Variants in DOCK1 observed in about 807,000 individuals in gnomAD.
DOCK1 encodes the protein dedicator of cytokinesis 1, also known as dedicator of cytokinesis protein 1.
DOCK1 carries 138 observed loss-of-function variants against 262.7 expected under a neutral mutation model. The observed-to-expected ratio is 0.53, with a 90% CI of 0.46 to 0.61. The LOEUF is 0.61. Ranked by LOEUF, DOCK1 falls within the 20% of genes least tolerant of loss-of-function variation. The pLI, the probability that DOCK1 is intolerant of heterozygous loss-of-function variation, is 0.00. For synonymous variants in DOCK1, 866 were observed against 867.4 expected (o/e 1.00, Z 0.03); for missense variants, 1,908 against 2,370.7 (o/e 0.80, Z 4.05).
intron 29 of DOCK1, among the ~76,000 whole-genome samples, chr10:127,263,687 C>T (rs998146127): frequency 2.0e-5 from 3 of 151,860 alleles, no homozygotes; most frequent in African/African-American, 7.3e-5. Flanking sequence ...CACCTACATG[C>T]TGGTATCCAT....
intron 27 of DOCK1, among the ~76,000 whole-genome samples, chr10:127,163,799 C>CTT (rs531750560): frequency 9.0e-4 from 116 of 129,194 alleles, no homozygotes; most frequent in African/African-American, 2.4e-3. Flanking sequence ...TAAAGCCTTC[C>CTT]TTTTTTTTTT....
At position 127,248,035 on chromosome 10, in the gene DOCK1, A is replaced by G. The variant is rs552636749; in HGVS notation, c.2875A>G (p.Ile959Val). The change falls in exon 28 of 52, where the codon ATT (isoleucine) becomes GTT (valine). Residue 959 changes from isoleucine to valine, a missense_variant. By Grantham distance (29) the Ile-to-Val change is conservative. Coordinates refer to ENST00000623213, the MANE Select transcript of DOCK1 (RefSeq NM_001290223.2). Reference protein sequence around the residue: ...IGNFVACMTAILRQMEDYHYA... With the variant: ...IGNFVACMTAVLRQMEDYHYA... ...AAACTTCGTGGCTTGCATGACAGCT[A>G]TTTTACGACAAATGGAAGATTACCA... The G allele has an allele frequency of 2.5e-6, 4 of 1,613,958 alleles. No individual in the cohort carries two copies. The highest frequency in any genetic ancestry group is 1.7e-5 in the Admixed American group (1 of 60,014).
At chr10:126,988,628 T>C (rs1202988149) in intron 5 of DOCK1, among the ~76,000 whole-genome samples, 2 of 152,232 alleles carry the variant, frequency 1.3e-5, no homozygotes. Flanking sequence ...GAGTTGATGC[T>C]CATAGTCAGT....
intron 37 of DOCK1, among the ~76,000 whole-genome samples, chr10:127,383,812 C>T (rs547064508): frequency 6.6e-6 from 1 of 152,352 alleles, no homozygotes; most frequent in African/African-American, 2.4e-5. Flanking sequence ...CCATGCTCAC[C>T]GTGTCCTCCC....
At chr10:127,026,651 C>G (rs11018199) in intron 16 of DOCK1, 175 of 559,128 alleles carry the variant, frequency 3.1e-4, no homozygotes, top group Non-Finnish European at 5.0e-4. Context: ...GTTGCTGGTC[C>G]CCTTCTTTCT....
In DOCK1 at chr10:126,980,528, A is replaced by ACT. The variant is rs1169486130; in HGVS notation, c.172-1385_172-1384dup. ...AGCCTTGTTTGTTGCTCAGCCTCTG[A>ACT]CTCTCTGCCTGACGCCTTCCCTCTC... On this transcript the variant is annotated intron_variant, in intron 3 of 51. Transcript: ENST00000623213. Among the ~76,000 whole-genome samples, 4 of 151,262 alleles carry ACT rather than the reference A, an allele frequency of 2.6e-5. No homozygotes were observed. In the South Asian group the frequency reaches 8.4e-4, roughly 32 times the overall value.
At chr10:127,234,385 A>G (rs1463518042) in intron 27 of DOCK1, among the ~76,000 whole-genome samples, 1 of 152,180 alleles carries the variant, frequency 6.6e-6, no homozygotes, top group Non-Finnish European at 1.5e-5. Context: ...ATATACAAAT[A>G]AAAATACACA....
intron 22 of DOCK1, among the ~76,000 whole-genome samples, chr10:127,054,109 C>T (rs930983791): frequency 7.2e-5 from 11 of 152,194 alleles, no homozygotes; most frequent in Non-Finnish European, 1.3e-4. Flanking sequence ...CAGTGCCTTC[C>T]CGTTTCCTCC....
intron 1 of DOCK1, among the ~76,000 whole-genome samples, chr10:126,927,889 G>C (rs1280903607): frequency 4.6e-5 from 7 of 152,136 alleles, no homozygotes; most frequent in African/African-American, 1.4e-4. Flanking sequence ...GGAAGGACTT[G>C]GGGCCAGGCA....
Position 127,170,025 on chromosome 10 carries a change from C to T in DOCK1, c.2847+42261C>T, listed in dbSNP as rs1018986279. On this transcript the variant is annotated intron_variant, in intron 27 of 51. Coordinates refer to ENST00000623213, the MANE Select transcript of DOCK1 (RefSeq NM_001290223.2). ...GCTTCTTTTTTTACCACTGTGTGCC[C>T]GAGACTTGGGAGAGCTGGCCTCACA... Among the ~76,000 whole-genome samples, 7 of 151,878 alleles carry T rather than the reference C, an allele frequency of 4.6e-5. No individual in the cohort carries two copies. In the East Asian group the frequency reaches 5.8e-4, roughly 13 times the overall value.
chr10:127,030,760 C>T (rs1489764621), intron 16 of DOCK1, among the ~76,000 whole-genome samples: 4 of 152,270 alleles, frequency 2.6e-5, no homozygotes, highest in Non-Finnish European at 5.9e-5. Flanking sequence ...TAAATAGCAA[C>T]AAGATCAACA....
Position 127,048,570 on chromosome 10 carries a change from C to A in DOCK1, c.2202-4111C>A, listed in dbSNP as rs2044498799. ...TAGGGATTTTCATTTTGTGGCTAAA[C>A]AATCTTTGCCTAGCCAAAGGTCTTA... On this transcript the variant is annotated intron_variant, in intron 21 of 51. Transcript: ENST00000623213. Among the ~76,000 whole-genome samples the A allele has an allele frequency of 1.3e-5, 2 of 152,140 alleles. 1 individual carries two copies. Among genetic ancestry groups the A allele is most frequent in the South Asian group, 4.1e-4 (2 of 4,824 alleles).
At chr10:126,954,051 G>T (rs1027562189) in intron 1 of DOCK1, among the ~76,000 whole-genome samples, 10 of 152,258 alleles carry the variant, frequency 6.6e-5, no homozygotes, top group Admixed American at 1.3e-4. Flanking sequence ...GTGTGCTTTC[G>T]TCCTGCCCAG....
rs1241619844 is a variant in DOCK1 at position 127,358,226 on chromosome 10, G to T, written c.3283+3499G>T. On this transcript the variant is annotated intron_variant, in intron 32 of 51. Coordinates refer to ENST00000623213, the MANE Select transcript of DOCK1 (RefSeq NM_001290223.2). ...ATGGCCCATAGAGAGGAGCATCTCA[G>T]CTCTTGCCTCCTCCTTGCCCAGCCT... Among the ~76,000 whole-genome samples, 5 of 152,252 alleles carry T rather than the reference G, an allele frequency of 3.3e-5. No homozygotes were observed. In the East Asian group the frequency reaches 9.7e-4, roughly 29 times the overall value.
intron 1 of DOCK1, among the ~76,000 whole-genome samples, chr10:126,962,539 C>T (rs1179300953): frequency 1.3e-5 from 2 of 152,146 alleles, no homozygotes; most frequent in Non-Finnish European, 2.9e-5. Context: ...TCAAGTGATC[C>T]ACCTGCCTCA....
chr10:127,373,198 G>A (rs2065300779), intron 33 of DOCK1, among the ~76,000 whole-genome samples: 1 of 152,210 alleles, frequency 6.6e-6, no homozygotes, highest in Non-Finnish European at 1.5e-5. Context: ...AAGCTTTGGG[G>A]ATGGAGGATA....
intron 25 of DOCK1, among the ~76,000 whole-genome samples, chr10:127,114,646 A>G (rs2049063071): frequency 6.6e-6 from 1 of 152,150 alleles, no homozygotes; most frequent in Non-Finnish European, 1.5e-5. Flanking sequence ...CCTTTGGCTA[A>G]AACTATGGAA....
At chr10:127,224,879 G>C (rs2058579210) in intron 27 of DOCK1, among the ~76,000 whole-genome samples, 1 of 152,034 alleles carries the variant, frequency 6.6e-6, no homozygotes, top group Non-Finnish European at 1.5e-5. Flanking sequence ...CATTCCTTTA[G>C]GGTCAAGACG....
chr10:127,086,931 T>C (rs886963201), intron 23 of DOCK1, among the ~76,000 whole-genome samples: 5 of 152,204 alleles, frequency 3.3e-5, no homozygotes, highest in Non-Finnish European at 2.9e-5. Context: ...AAAGTGTAAA[T>C]ACTTGAGGTG....
Sources: gnomAD v4.1 joint callset for allele counts (sites outside exome capture counted in the v4.1 genomes callset) on GRCh38, gnomAD v4.1.1 for gene constraint, MANE v1.5 for transcripts, NCBI Gene and HGNC (gene_info 2026-07-23, HGNC 2026-07-21) for gene names.